The following PARD3B variants were observed in gnomAD, a reference collection of about 807,000 sequenced individuals.
PARD3B encodes the protein partitioning defective 3 homolog B.
Under a neutral mutation model 130.2 loss-of-function variants are expected in PARD3B, and 103 were observed. The ratio of observed to expected loss-of-function variants is 0.79; its 90% CI spans 0.67 to 0.93. The LOEUF (loss-of-function observed/expected upper bound fraction) is 0.93. Ranked by LOEUF, PARD3B falls within the 40% of genes least tolerant of loss-of-function variation. PARD3B has a pLI of 0.00. For synonymous variants in PARD3B, 583 were observed against 553.2 expected, an observed-to-expected ratio of 1.05 and a Z score of -0.76; for missense variants, 1,609 against 1,499.2, an observed-to-expected ratio of 1.07 and a Z score of -1.21.
At chr2:205,255,553 A>C (rs954469402) in intron 16 of PARD3B, among the ~76,000 whole-genome samples, 1 of 152,162 alleles carries the variant, frequency 6.6e-6, no homozygotes, top group African/African-American at 2.4e-5. Flanking sequence ...TTCAGAAGCC[A>C]GTCCCACGTC....
At chr2:205,401,881 A>G (rs1307706391) in intron 19 of PARD3B, among the ~76,000 whole-genome samples, 1 of 152,258 alleles carries the variant, frequency 6.6e-6, no homozygotes, top group Non-Finnish European at 1.5e-5. Flanking sequence ...AAACCAGCAT[A>G]TAATTCTAAG....
chr2:205,532,478 C>T (rs1201937541), intron 21 of PARD3B, among the ~76,000 whole-genome samples: 1 of 152,112 alleles, frequency 6.6e-6, no homozygotes, highest in Non-Finnish European at 1.5e-5. Flanking sequence ...TTGTTATTGG[C>T]AGTGCTTGGG....
At chr2:204,828,423 C>T (rs1376053516) in intron 2 of PARD3B, among the ~76,000 whole-genome samples, 1 of 152,104 alleles carries the variant, frequency 6.6e-6, no homozygotes, top group Non-Finnish European at 1.5e-5. Flanking sequence ...TGAGGTGAGG[C>T]CCCAAGCATA....
chr2:205,526,359 G>C (rs1179035864), intron 21 of PARD3B, among the ~76,000 whole-genome samples: 1 of 152,168 alleles, frequency 6.6e-6, no homozygotes, highest in Non-Finnish European at 1.5e-5. Flanking sequence ...AAAATCAAAA[G>C]ATACAAAGGT....
chr2:204,545,731 A>C lies in PARD3B; in HGVS notation c.-269A>C. The C allele has an allele frequency of 5.5e-6, 1 of 180,212 alleles. No homozygotes were observed. Among genetic ancestry groups the C allele is most frequent in the Non-Finnish European group, 8.6e-6 (1 of 116,022 alleles). The allele number at this position is 180,212 out of a possible 1,614,324, so 11.2% of individuals were successfully genotyped here. The stretch of plus-strand genomic sequence containing the variant: ...TAGGAGCGGGAGGAGGAGGAGGAGG[A>C]GCCGGTGCCGCGGAGCTGCCGCGTC... On this transcript the variant is annotated 5_prime_UTR_variant, in exon 1 of 23. Coordinates refer to ENST00000406610, the MANE Select transcript of PARD3B (RefSeq NM_001302769.2).
At chr2:204,985,613 C>CCCTGACTTCTTCAGTGGCAGAGGGCCCA (rs1275649089) in intron 3 of PARD3B, among the ~76,000 whole-genome samples, 1 of 152,112 alleles carries the variant, frequency 6.6e-6, no homozygotes, top group Non-Finnish European at 1.5e-5. Flanking sequence ...GCATCTGCCG[C>CCCTGACTTCTTCAGTGGCAGAGGGCCCA]CCTGACTTCT....
chr2:205,057,793 A>T (rs1699827388), intron 4 of PARD3B, among the ~76,000 whole-genome samples: 1 of 150,446 alleles, frequency 6.6e-6, no homozygotes, highest in South Asian at 2.1e-4. Context: ...GTTTGTGTGT[A>T]TGTTTATATA....
At chr2:205,380,573 A>C (rs865948641) in intron 18 of PARD3B, among the ~76,000 whole-genome samples, 13 of 18,266 alleles carry the variant, frequency 7.1e-4, no homozygotes, top group African/African-American at 5.3e-3. Flanking sequence ...ATAATATATA[A>C]AGAATATATA....
chr2:204,666,251 G>T (rs896041482), intron 1 of PARD3B, among the ~76,000 whole-genome samples: 6 of 152,184 alleles, frequency 3.9e-5, no homozygotes, highest in African/African-American at 1.4e-4. Context: ...CAAGGTAATG[G>T]TGGGTGCGAT....
intron 1 of PARD3B, among the ~76,000 whole-genome samples, chr2:204,615,541 G>A (rs1475991587): frequency 6.6e-6 from 1 of 152,148 alleles, no homozygotes; most frequent in Non-Finnish European, 1.5e-5. Context: ...TTGGGAAATT[G>A]TCAAGCTCAG....
chr2:204,717,545 G>A (rs1486731573), intron 2 of PARD3B, among the ~76,000 whole-genome samples: 3 of 152,150 alleles, frequency 2.0e-5, no homozygotes, highest in Non-Finnish European at 2.9e-5. Context: ...GTTGGTGGTG[G>A]CCTGGAGAGA....
intron 1 of PARD3B, among the ~76,000 whole-genome samples, chr2:204,603,765 G>C (rs1182532406): frequency 6.6e-6 from 1 of 152,124 alleles, no homozygotes; most frequent in Non-Finnish European, 1.5e-5. Flanking sequence ...AAACCCAACA[G>C]AACCATTGGA....
chr2:204,899,055 T>G (rs1277899654), intron 2 of PARD3B, among the ~76,000 whole-genome samples: 1 of 51,090 alleles, frequency 2.0e-5, no homozygotes, highest in African/African-American at 3.2e-4. Context: ...AATATTAGGT[T>G]TTTTTTTTTT....
rs2046302478 is a variant in PARD3B at position 204,887,436 on chromosome 2, A to C, written c.223-77716A>C. ...GGTGATAGCTGTTCATCCAGACTGCAGCCCAGTCACTTTCGAGATAGCCTG... is the reference window on the plus strand; with the variant it reads ...GGTGATAGCTGTTCATCCAGACTGCCGCCCAGTCACTTTCGAGATAGCCTG... On this transcript the variant is annotated intron_variant, in intron 2 of 22. Coordinates refer to ENST00000406610, the MANE Select transcript of PARD3B (RefSeq NM_001302769.2). This position sits in a 1 kb window ranked among gnomAD's most constrained non-coding sequence, Gnocchi z 4.2. Among the ~76,000 whole-genome samples the C allele has an allele frequency of 6.6e-6, 1 of 152,208 alleles. No homozygotes were observed. Among genetic ancestry groups the C allele is most frequent in the African/African-American group, 2.4e-5 (1 of 41,444 alleles).
At chr2:205,231,457 G>T (rs553974959) in intron 15 of PARD3B, among the ~76,000 whole-genome samples, 1 of 151,456 alleles carries the variant, frequency 6.6e-6, no homozygotes, top group Admixed American at 6.6e-5. Flanking sequence ...CTCTTGAGTA[G>T]CTGGGACCAC....
At chr2:204,830,578 A>T (rs1056684362) in intron 2 of PARD3B, among the ~76,000 whole-genome samples, 1 of 152,166 alleles carries the variant, frequency 6.6e-6, no homozygotes, top group Non-Finnish European at 1.5e-5. Flanking sequence ...AATGAACTGG[A>T]ATTTGAACCC....
chr2:205,112,704 T>C (rs906765714), intron 5 of PARD3B, among the ~76,000 whole-genome samples: 4 of 152,160 alleles, frequency 2.6e-5, no homozygotes, highest in African/African-American at 9.6e-5. Flanking sequence ...TTCTACTCTT[T>C]AGTACTCAAA....
At chr2:205,380,118 A>G (rs1304127303) in intron 18 of PARD3B, among the ~76,000 whole-genome samples, 1 of 78,574 alleles carries the variant, frequency 1.3e-5, no homozygotes, top group African/African-American at 3.4e-5. Flanking sequence ...TATTATACAT[A>G]ATATATTATA....
intron 4 of PARD3B, among the ~76,000 whole-genome samples, chr2:205,048,854 ACT>A (rs1559387257): frequency 6.6e-6 from 1 of 152,118 alleles, no homozygotes; most frequent in Non-Finnish European, 1.5e-5. Flanking sequence ...CCTATTTAAA[ACT>A]CTATCCTTCT....
Sources: gnomAD v4.1 joint callset for allele counts (sites outside exome capture counted in the v4.1 genomes callset) on GRCh38, gnomAD v4.1.1 for gene constraint, Gnocchi (gnomAD v3.1) non-coding constraint, MANE v1.5 for transcripts, NCBI Gene and HGNC (gene_info 2026-07-23, HGNC 2026-07-21) for gene names.